PCDH15: variants seen among roughly 807,000 people sequenced by gnomAD.
PCDH15 encodes the protein protocadherin-15.
PCDH15 carries 129 observed loss-of-function variants against 178.5 expected under a neutral mutation model. The observed-to-expected ratio is 0.72, with a 90% confidence interval of 0.63 to 0.84. The LOEUF is 0.84. Among genes scored for constraint, PCDH15 ranks in the 40% least tolerant of loss-of-function variants. The pLI is 0.00. For missense variants in PCDH15, 2,230 were observed against 2,099.9 expected, an observed-to-expected ratio of 1.06 and a Z score of -1.21; for synonymous variants, 800 against 732.0, an observed-to-expected ratio of 1.09 and a Z score of -1.50.
chr10:54,556,125 C>T (rs2087233558), intron 2 of PCDH15, among the ~76,000 whole-genome samples: 1 of 152,132 alleles, frequency 6.6e-6, no homozygotes, highest in Non-Finnish European at 1.5e-5. Flanking sequence ...AAATATTTAG[C>T]CCTGTTTTCC....
chr10:53,865,212 G>C (rs1396068973), intron 27 of PCDH15, among the ~76,000 whole-genome samples: 1 of 152,114 alleles, frequency 6.6e-6, no homozygotes, highest in Non-Finnish European at 1.5e-5. Context: ...CCAAAGTGGA[G>C]GTTTTGCTAA....
chr10:55,112,436 A>G (rs970099924), intron 2 of PCDH15, among the ~76,000 whole-genome samples: 2 of 152,204 alleles, frequency 1.3e-5, no homozygotes, highest in African/African-American at 4.8e-5. Flanking sequence ...AAAATGAGGC[A>G]GGAAGAAAGC....
intron 8 of PCDH15, among the ~76,000 whole-genome samples, chr10:54,269,324 G>C (rs1434889240): frequency 1.3e-5 from 2 of 151,816 alleles, no homozygotes; most frequent in Non-Finnish European, 2.9e-5. Flanking sequence ...AGTTAGTAAG[G>C]TGTATAAAAA....
chr10:54,882,030 A>G (rs1166300478), intron 3 of PCDH15, among the ~76,000 whole-genome samples: 4 of 152,090 alleles, frequency 2.6e-5, no homozygotes, highest in Non-Finnish European at 4.4e-5. Flanking sequence ...AGAGTCCAGA[A>G]GAGTGCCTGG....
At chr10:55,535,753 C>T (rs11004902) in intron 2 of PCDH15, among the ~76,000 whole-genome samples, 2,157 of 152,078 alleles carry the variant, frequency 0.014, 63 homozygotes, top group East Asian at 0.1. Context: ...ATTCTGTACT[C>T]TTTTTGCCTT....
At chr10:53,927,055 T>C (rs1168391463) in intron 25 of PCDH15, among the ~76,000 whole-genome samples, 1 of 152,146 alleles carries the variant, frequency 6.6e-6, no homozygotes, top group Non-Finnish European at 1.5e-5. Flanking sequence ...ATATTAGATG[T>C]GCCTCAAAAA....
intron 10 of PCDH15, among the ~76,000 whole-genome samples, chr10:54,197,034 TAATA>T (rs2049741841): frequency 6.6e-6 from 1 of 152,182 alleles, no homozygotes; most frequent in Non-Finnish European, 1.5e-5. Flanking sequence ...TATATAAAAT[TAATA>T]AAGTTATATT....
At chr10:53,843,159 G>A (rs2077763155) in intron 28 of PCDH15, among the ~76,000 whole-genome samples, 1 of 152,092 alleles carries the variant, frequency 6.6e-6, no homozygotes, top group Admixed American at 6.6e-5. Flanking sequence ...TCTTCACTTT[G>A]AGCATTTTTT....
chr10:55,206,087 G>A lies in PCDH15; in HGVS notation c.-155-39436C>T, dbSNP rs189097976. On this transcript the variant is annotated intron_variant, in intron 1 of 5. Coordinates refer to the PCDH15 transcript ENST00000458638. ...GGGAAGTATGGGAGCTACAATATGC[G>A]ATTTGGGTGGGGACACAGGGCCAAA... Among the ~76,000 whole-genome samples the A allele has an allele frequency of 1.6e-4, 25 of 152,012 alleles. 1 individual carries two copies. Among genetic ancestry groups the A allele is most frequent in the African/African-American group, 5.6e-4 (23 of 41,420 alleles).
intron 2 of PCDH15, among the ~76,000 whole-genome samples, chr10:54,628,011 T>A (rs891871563): frequency 1.3e-5 from 2 of 152,230 alleles, no homozygotes; most frequent in Non-Finnish European, 2.9e-5. Flanking sequence ...CTTATTTAAT[T>A]CTCATATTTC....
At chr10:55,036,426 G>A (rs552134169) in intron 2 of PCDH15, among the ~76,000 whole-genome samples, 7 of 152,038 alleles carry the variant, frequency 4.6e-5, no homozygotes, top group Admixed American at 6.6e-5. Context: ...GACAAGCTCC[G>A]GTATGTTAAG....
intron 1 of PCDH15, among the ~76,000 whole-genome samples, chr10:54,772,474 C>A (rs1475711425): frequency 6.6e-6 from 1 of 152,020 alleles, no homozygotes; most frequent in African/African-American, 2.4e-5. Flanking sequence ...AAGCTCCACT[C>A]AAAAGAAGAC....
intron 21 of PCDH15, among the ~76,000 whole-genome samples, chr10:53,973,460 AC>A (rs1022813773): frequency 4.0e-4 from 61 of 152,330 alleles, no homozygotes; most frequent in African/African-American, 1.2e-3. Flanking sequence ...AATTAAAAAA[AC>A]AAATCAATAT....
At chr10:54,209,203 G>C (rs1044094293) in intron 10 of PCDH15, among the ~76,000 whole-genome samples, 1 of 152,030 alleles carries the variant, frequency 6.6e-6, no homozygotes, top group Admixed American at 6.6e-5. Flanking sequence ...CAACATCTCT[G>C]TGGGAAATTC....
intron 3 of PCDH15, among the ~76,000 whole-genome samples, chr10:54,450,130 A>AATATAAAT (rs1376879561): frequency 6.6e-5 from 9 of 137,238 alleles, no homozygotes; most frequent in African/African-American, 2.2e-4. Context: ...CTTTTTTATA[A>AATATAAAT]ATATATATAT....
intron 1 of PCDH15, among the ~76,000 whole-genome samples, chr10:55,198,777 C>T (rs897547391): frequency 5.9e-5 from 9 of 152,076 alleles, no homozygotes; most frequent in African/African-American, 1.9e-4. Flanking sequence ...GCCACCACAC[C>T]CAGCCAAAAG....
chr10:54,573,225 A>C (rs1404921413), intron 2 of PCDH15, among the ~76,000 whole-genome samples: 1 of 152,140 alleles, frequency 6.6e-6, no homozygotes, highest in Non-Finnish European at 1.5e-5. Flanking sequence ...ATTATACTCC[A>C]AATGTACAAT....
intron 2 of PCDH15, among the ~76,000 whole-genome samples, chr10:55,518,416 T>G (rs190237816): frequency 1.2e-4 from 19 of 152,038 alleles, no homozygotes; most frequent in Non-Finnish European, 2.2e-4. Context: ...ACCGCCACTT[T>G]TAAGTTCCAG....
intron 8 of PCDH15, among the ~76,000 whole-genome samples, chr10:54,269,738 T>G (rs1291979414): frequency 6.6e-6 from 1 of 151,998 alleles, no homozygotes; most frequent in Non-Finnish European, 1.5e-5. Context: ...TACTGCAATT[T>G]TCTTAGTTTT....
Sources: gnomAD v4.1 joint callset for allele counts (sites outside exome capture counted in the v4.1 genomes callset) on GRCh38, gnomAD v4.1.1 for gene constraint, MANE v1.5 for transcripts, NCBI Gene and HGNC (gene_info 2026-07-23, HGNC 2026-07-21) for gene names.